FHIT: variants seen among roughly 807,000 people sequenced by gnomAD.
FHIT encodes the protein fragile histidine triad diadenosine triphosphatase.
FHIT carries 19 observed loss-of-function variants against 17.9 expected under a neutral mutation model. That is an observed-to-expected ratio of 1.06 (90% CI 0.74 to 1.56). The LOEUF (loss-of-function observed/expected upper bound fraction) is 1.56, where lower values mean the gene tolerates loss of function less well. Among genes scored for constraint, FHIT ranks in the 40% most tolerant of loss-of-function variants. FHIT has a pLI of 0.00. For missense variants in FHIT, 248 were observed against 189.2 expected (o/e 1.31, Z -1.82); for synonymous variants, 81 against 69.7 (o/e 1.16, Z -0.81).
At chr3:60,412,031 G>T (rs1315002816) in intron 5 of FHIT, among the ~76,000 whole-genome samples, 2 of 151,866 alleles carry the variant, frequency 1.3e-5, no homozygotes, top group African/African-American at 2.4e-5. Context: ...TTTTTCACCT[G>T]TATTATCTTC....
At chr3:60,062,670 G>A (rs1293097034) in intron 5 of FHIT, among the ~76,000 whole-genome samples, 1 of 152,190 alleles carries the variant, frequency 6.6e-6, no homozygotes, top group East Asian at 1.9e-4. Context: ...AATTAAAACA[G>A]AAACAAAAAC....
chr3:59,971,300 T>A (rs1708169542), intron 7 of FHIT, among the ~76,000 whole-genome samples: 1 of 152,070 alleles, frequency 6.6e-6, no homozygotes, highest in South Asian at 2.1e-4. Context: ...GCAAGAATAT[T>A]TTTTCTCAAA....
rs1553688947 is a variant in FHIT, at chr3:60,653,944, G to A, written c.-17-116965C>T. 3.3e-5 allele frequency among the ~76,000 whole-genome samples: 5 copies of A among 152,294 alleles called. No individual in the cohort carries two copies. In the East Asian group the frequency reaches 9.7e-4, roughly 29 times the overall value. On this transcript the variant is annotated intron_variant, in intron 4 of 9. Transcript: ENST00000492590. ...GTGCTGGAGGTGGGGCCTGGTGGGA[G>A]GTGTTTGGATCATGGGGACAGATCC...
chr3:60,405,690 A>G (rs571561080), intron 5 of FHIT, among the ~76,000 whole-genome samples: 3 of 152,310 alleles, frequency 2.0e-5, no homozygotes, highest in Admixed American at 6.5e-5. Flanking sequence ...AATCCTGCAT[A>G]CCACCAAACA....
intron 5 of FHIT, among the ~76,000 whole-genome samples, chr3:60,233,043 G>T (rs949926434): frequency 2.6e-5 from 4 of 152,124 alleles, no homozygotes; most frequent in African/African-American, 9.7e-5. Context: ...CTGGGAAGGG[G>T]TGCAGCTGGA....
chr3:60,379,043 G>A (rs1244178414), intron 5 of FHIT, among the ~76,000 whole-genome samples: 1 of 152,140 alleles, frequency 6.6e-6, no homozygotes, highest in Non-Finnish European at 1.5e-5. Flanking sequence ...TTTGTCTTTG[G>A]TTGCACAATG....
chr3:60,226,717 G>A (rs886655529), intron 5 of FHIT, among the ~76,000 whole-genome samples: 2 of 152,070 alleles, frequency 1.3e-5, no homozygotes, highest in African/African-American at 4.8e-5. Flanking sequence ...GGGACTTATG[G>A]GGTCACATGG....
At chr3:59,894,478 G>A (rs1703981753) in intron 8 of FHIT, among the ~76,000 whole-genome samples, 1 of 152,062 alleles carries the variant, frequency 6.6e-6, no homozygotes, top group Non-Finnish European at 1.5e-5. Flanking sequence ...GTAGAGTTGT[G>A]GCTTGTCTTT....
chr3:60,456,481 A>G (rs2032101804), intron 5 of FHIT, among the ~76,000 whole-genome samples: 1 of 152,222 alleles, frequency 6.6e-6, no homozygotes, highest in African/African-American at 2.4e-5. Flanking sequence ...AACATTAATT[A>G]TGGAACTAAC....
At chr3:59,941,011 C>T (rs1279399541) in intron 7 of FHIT, among the ~76,000 whole-genome samples, 2 of 152,092 alleles carry the variant, frequency 1.3e-5, no homozygotes, top group East Asian at 1.9e-4. Context: ...GCCATGATCC[C>T]AGCATCTGTG....
chr3:60,860,742 A>G lies in FHIT; in HGVS notation c.-110-38731T>C, dbSNP rs1419706183. On this transcript the variant is annotated intron_variant, in intron 3 of 9. Coordinates refer to ENST00000492590, the MANE Select transcript of FHIT (RefSeq NM_002012.4). The stretch of plus-strand genomic sequence containing the variant: ...ATCAGGTATATATGTACATATGTTC[A>G]TATATATCAGGTATATATGATACAT... Among the ~76,000 whole-genome samples, 7 of 76,544 alleles carry G rather than the reference A, an allele frequency of 9.1e-5. 2 individuals carry two copies. The highest frequency in any genetic ancestry group is 1.5e-4 in the Admixed American group (1 of 6,700). 50.2% of individuals were successfully genotyped at this position (76,544 alleles called of 152,430 possible).
At chr3:60,060,046 A>G (rs926353855) in intron 5 of FHIT, among the ~76,000 whole-genome samples, 5 of 152,084 alleles carry the variant, frequency 3.3e-5, no homozygotes, top group Non-Finnish European at 4.4e-5. Context: ...TACATGGGGG[A>G]AAAATGGTAG....
At chr3:59,764,485 C>T (rs565670870) in intron 8 of FHIT, among the ~76,000 whole-genome samples, 7 of 152,286 alleles carry the variant, frequency 4.6e-5, no homozygotes, top group African/African-American at 7.2e-5. Context: ...GCTACTCACC[C>T]GTTGGAAGTT....
intron 4 of FHIT, among the ~76,000 whole-genome samples, chr3:60,593,445 C>A (rs1474030148): frequency 3.3e-5 from 5 of 152,094 alleles, no homozygotes; most frequent in Admixed American, 3.3e-4. Context: ...AGGACAATAA[C>A]AGGCTTGAAA....
At position 59,838,985 on chromosome 3, in the gene FHIT, A is replaced by C. The variant is rs558521176; in HGVS notation, c.348+83361T>G. ...CTGGGTGACCTTTACTTAGGAAAAA[A>C]AAGAGATCTATTCCACAAAAGAAAG... On this transcript the variant is annotated intron_variant, in intron 8 of 9. Transcript: ENST00000492590. Among the ~76,000 whole-genome samples the C allele has an allele frequency of 4.6e-5, 7 of 152,270 alleles. No homozygotes were observed. The East Asian group carries it at 1.4e-3, about 29-fold the overall frequency.
intron 5 of FHIT, among the ~76,000 whole-genome samples, chr3:60,031,437 T>C (rs1283228435): frequency 6.6e-6 from 1 of 152,222 alleles, no homozygotes; most frequent in Non-Finnish European, 1.5e-5. Flanking sequence ...TAGTAAATGG[T>C]AGAACAGAAT....
intron 8 of FHIT, among the ~76,000 whole-genome samples, chr3:59,838,488 A>G (rs1419695199): frequency 6.6e-6 from 1 of 152,198 alleles, no homozygotes; most frequent in African/African-American, 2.4e-5. Flanking sequence ...AATTCCAAGT[A>G]GATTCCAGAA....
chr3:60,494,764 A>C (rs181873214), intron 5 of FHIT, among the ~76,000 whole-genome samples: 1 of 152,302 alleles, frequency 6.6e-6, no homozygotes, highest in African/African-American at 2.4e-5. Context: ...CACTTCGCAG[A>C]ATGACCTCCA....
chr3:60,546,291 A>G (rs867696544), intron 4 of FHIT, among the ~76,000 whole-genome samples: 2 of 152,048 alleles, frequency 1.3e-5, no homozygotes, highest in East Asian at 1.9e-4. Flanking sequence ...TTCTCTCCCC[A>G]TGAGTATGAA....
Sources: gnomAD v4.1 joint callset for allele counts (sites outside exome capture counted in the v4.1 genomes callset) on GRCh38, gnomAD v4.1.1 for gene constraint, MANE v1.5 for transcripts, NCBI Gene and HGNC (gene_info 2026-07-23, HGNC 2026-07-21) for gene names.